The following SNTB2 variants were observed in gnomAD, a reference collection of about 807,000 sequenced individuals.
The protein encoded by SNTB2 is syntrophin beta 2.
Under a neutral mutation model 46.2 loss-of-function variants are expected in SNTB2, and 34 were observed. The ratio of observed to expected loss-of-function variants is 0.74; its 90% CI spans 0.56 to 0.98. The LOEUF is 0.98. Ranked by LOEUF, SNTB2 falls within the 50% of genes least tolerant of loss-of-function variation. SNTB2 has a pLI of 0.00. For synonymous variants in SNTB2, 290 were observed against 312.6 expected, an observed-to-expected ratio of 0.93 and a Z score of 0.76; for missense variants, 603 against 731.4, an observed-to-expected ratio of 0.82 and a Z score of 2.02.
chr16:69,220,351 C>T (rs1341133131), intron 1 of SNTB2, among the ~76,000 whole-genome samples: 2 of 147,880 alleles, frequency 1.4e-5, no homozygotes, highest in East Asian at 4.2e-4. Context: ...TTAGTAGAGA[C>T]GGGGTTTCAT....
At chr16:69,288,169 A>G (rs976229011) in intron 5 of SNTB2, among the ~76,000 whole-genome samples, 1 of 152,164 alleles carries the variant, frequency 6.6e-6, no homozygotes, top group African/African-American at 2.4e-5. Context: ...ATCTGGGGTC[A>G]CTGTATTGTC....
chr16:69,274,114 C>A (rs1230367896), intron 4 of SNTB2, among the ~76,000 whole-genome samples: 1 of 151,502 alleles, frequency 6.6e-6, no homozygotes, highest in Non-Finnish European at 1.5e-5. Flanking sequence ...GAGTTCAAGA[C>A]CAGCCTGACC....
chr16:69,225,843 G>A (rs988874194), intron 1 of SNTB2, among the ~76,000 whole-genome samples: 11 of 149,534 alleles, frequency 7.4e-5, no homozygotes, highest in African/African-American at 2.2e-4. Context: ...TCTCGGCTCA[G>A]TGCAGCCTCC....
At chr16:69,232,208 CTTTTTT>C in intron 1 of SNTB2, among the ~76,000 whole-genome samples, 1 of 136,596 alleles carries the variant, frequency 7.3e-6, no homozygotes, top group South Asian at 2.3e-4. Flanking sequence ...TTTCTTTTTT[CTTTTTT>C]TTTTTTTTTG....
At chr16:69,189,392 A>G (rs1964026899) in intron 1 of SNTB2, among the ~76,000 whole-genome samples, 1 of 152,180 alleles carries the variant, frequency 6.6e-6, no homozygotes, top group African/African-American at 2.4e-5. Flanking sequence ...ATTTAGTACT[A>G]TTTATGTAGT....
rs566537112 is a variant in SNTB2, at chr16:69,207,265, T to C, written c.580+19519T>C. 3.7e-3 allele frequency among the ~76,000 whole-genome samples: 555 copies of C among 151,464 alleles called. 2 individuals carry two copies. The highest frequency in any genetic ancestry group is 4.4e-3 in the Non-Finnish European group (300 of 67,908). On this transcript the variant is annotated intron_variant, in intron 1 of 6. Coordinates refer to ENST00000336278, the MANE Select transcript of SNTB2 (RefSeq NM_006750.4). ...ACCTCACTGGTTCAAGTGATTCTCC[T>C]GCCTCGGCTTCCCGAGTAGCTTGGA... is the stretch of plus-strand genomic sequence containing the variant.
At chr16:69,258,081 T>C (rs1429847445) in intron 2 of SNTB2, among the ~76,000 whole-genome samples, 2 of 152,250 alleles carry the variant, frequency 1.3e-5, no homozygotes, top group African/African-American at 4.8e-5. Context: ...GAAATGCTAG[T>C]ATACTTGTAA....
chr16:69,201,105 T>C (rs889114047), intron 1 of SNTB2, among the ~76,000 whole-genome samples: 1 of 152,176 alleles, frequency 6.6e-6, no homozygotes, highest in African/African-American at 2.4e-5. Flanking sequence ...AGCAGAACAT[T>C]CAGGAAAGCC....
At chr16:69,216,025 AGGCT>A (rs1964343692) in intron 1 of SNTB2, among the ~76,000 whole-genome samples, 2 of 152,208 alleles carry the variant, frequency 1.3e-5, no homozygotes, top group Non-Finnish European at 2.9e-5. Flanking sequence ...CATGTTACCC[AGGCT>A]GGTCCTGAAC....
chr16:69,294,836 T>A (rs192650728), intron 5 of SNTB2, among the ~76,000 whole-genome samples: 2 of 151,210 alleles, frequency 1.3e-5, no homozygotes, highest in East Asian at 3.9e-4. Flanking sequence ...TTTTTTTCGC[T>A]CTGTCACTCG....
At chr16:69,229,759 T>A (rs939235316) in intron 1 of SNTB2, among the ~76,000 whole-genome samples, 1 of 141,428 alleles carries the variant, frequency 7.1e-6, no homozygotes, top group African/African-American at 2.6e-5. Flanking sequence ...GGAGAATCAC[T>A]TGAACCCGGG....
intron 4 of SNTB2, among the ~76,000 whole-genome samples, chr16:69,281,129 G>A (rs745981950): frequency 6.6e-6 from 1 of 152,000 alleles, no homozygotes; most frequent in African/African-American, 2.4e-5. Flanking sequence ...CAGATCAGAA[G>A]TTTTTAATTT....
chr16:69,266,106 T>C (rs1399610295), intron 3 of SNTB2, among the ~76,000 whole-genome samples: 1 of 152,116 alleles, frequency 6.6e-6, no homozygotes, highest in Non-Finnish European at 1.5e-5. Flanking sequence ...GGCTCATACC[T>C]AGAATCCCAG....
intron 5 of SNTB2, among the ~76,000 whole-genome samples, chr16:69,297,808 G>T (rs1168232056): frequency 6.6e-6 from 1 of 152,076 alleles, no homozygotes; most frequent in African/African-American, 2.4e-5. Context: ...CAGCTACTCA[G>T]CAGGCTGAGG....
rs1052605546 is a variant in SNTB2 at position 69,259,982 on chromosome 16, AT to A, written c.795-64del. On this transcript the variant is annotated intron_variant, in intron 2 of 6. Coordinates refer to ENST00000336278, the MANE Select transcript of SNTB2 (RefSeq NM_006750.4). ...AATTAAAATAGATTTGCAGTTATGT[AT>A]TTTAAACCTGGCAGGTTTGGTGACT... The A allele has an allele frequency of 1.3e-5, 14 of 1,118,876 alleles. No homozygotes were observed. The African/African-American group carries it at 1.8e-4, about 15-fold the overall frequency. 69.3% of individuals were successfully genotyped at this position (1,118,876 alleles called of 1,614,324 possible). A position where few individuals can be genotyped will look rare whatever the true frequency, so the allele number is the denominator to read the frequency against.
chr16:69,263,059 TC>T (rs1964850430), intron 3 of SNTB2, among the ~76,000 whole-genome samples: 1 of 151,952 alleles, frequency 6.6e-6, no homozygotes, highest in Non-Finnish European at 1.5e-5. Context: ...CATCTCACTT[TC>T]CCCATCTACC....
intron 1 of SNTB2, among the ~76,000 whole-genome samples, chr16:69,202,773 G>A (rs1416506404): frequency 2.0e-5 from 3 of 151,736 alleles, no homozygotes; most frequent in Admixed American, 6.6e-5. Context: ...ATGGGGTTTC[G>A]CCATGTTGGC....
At chr16:69,211,547 A>T (rs1964287464) in intron 1 of SNTB2, among the ~76,000 whole-genome samples, 3 of 151,898 alleles carry the variant, frequency 2.0e-5, no homozygotes, top group East Asian at 3.8e-4. Flanking sequence ...AAAAAAAAAA[A>T]AAAAAAGGGA....
At chr16:69,227,901 A>C (rs2152294513) in intron 1 of SNTB2, among the ~76,000 whole-genome samples, 1 of 139,020 alleles carries the variant, frequency 7.2e-6, no homozygotes, top group East Asian at 2.1e-4. Context: ...TCTGTCACCC[A>C]GGCTGGAGTT....
Sources: allele counts gnomAD v4.1 joint callset (sites outside exome capture counted in the v4.1 genomes callset), GRCh38; gene constraint gnomAD v4.1.1; transcripts MANE v1.5; gene names NCBI Gene and HGNC (gene_info 2026-07-23, HGNC 2026-07-21).